UMAD1: variants seen among roughly 807,000 people sequenced by gnomAD.
The protein encoded by UMAD1 is UBAP1-MVB12-associated (UMA)-domain containing protein 1.
In UMAD1, 8 loss-of-function variants were observed where a neutral mutation model predicts 6.1. The ratio of observed to expected loss-of-function variants is 1.30; its 90% CI spans 0.76 to 2.35. The LOEUF is 2.35. Among genes scored for constraint, UMAD1 ranks in the 30% most tolerant of loss-of-function variants. UMAD1 has a pLI of 0.00. For missense variants in UMAD1, 130 were observed against 78.4 expected, an observed-to-expected ratio of 1.66 and a Z score of -2.49; for synonymous variants, 56 against 31.4, an observed-to-expected ratio of 1.78 and a Z score of -2.61.
rs183039116 is a variant in UMAD1, at chr7:7,845,368, C to T, written c.157-31913C>T. Among the ~76,000 whole-genome samples the T allele has an allele frequency of 1.4e-4, 22 of 152,110 alleles. No individual in the cohort carries two copies. The East Asian group carries it at 3.8e-3, about 27-fold the overall frequency. On this transcript the variant is annotated intron_variant, in intron 3 of 3. Transcript: ENST00000682710. ...GCTGCTCTATAGGGATCAAGATCTTCTCTTCTAACCCTGTCATTTTAGACT... is the reference window on the plus strand; with the variant it reads ...GCTGCTCTATAGGGATCAAGATCTTTTCTTCTAACCCTGTCATTTTAGACT...
chr7:7,824,726 A>G (rs1480992785), intron 3 of UMAD1, among the ~76,000 whole-genome samples: 4 of 152,144 alleles, frequency 2.6e-5, no homozygotes, highest in Non-Finnish European at 5.9e-5. Flanking sequence ...CTAACCCACA[A>G]ATAACAAGCA....
At chr7:7,851,528 G>A (rs145155414) in intron 3 of UMAD1, among the ~76,000 whole-genome samples, 10 of 152,158 alleles carry the variant, frequency 6.6e-5, no homozygotes, top group African/African-American at 1.9e-4. Context: ...CAGAAGTGTG[G>A]GAGTGTTCCA....
chr7:7,727,150 T>C (rs1781154509), intron 2 of UMAD1, among the ~76,000 whole-genome samples: 1 of 152,240 alleles, frequency 6.6e-6, no homozygotes, highest in Non-Finnish European at 1.5e-5. Context: ...CAATACCAGC[T>C]ACAACCACAT....
chr7:7,686,372 A>G (rs1780041715), intron 2 of UMAD1, among the ~76,000 whole-genome samples: 1 of 152,238 alleles, frequency 6.6e-6, no homozygotes, highest in South Asian at 2.1e-4. Flanking sequence ...GCAGTAAGGA[A>G]CTATCAGACC....
At chr7:7,703,739 A>T (rs1563138178) in intron 2 of UMAD1, among the ~76,000 whole-genome samples, 1 of 152,192 alleles carries the variant, frequency 6.6e-6, no homozygotes, top group Non-Finnish European at 1.5e-5. Flanking sequence ...CAGGAGTTTG[A>T]GATCAGCCTG....
At chr7:7,859,907 T>A (rs1020986666) in intron 3 of UMAD1, among the ~76,000 whole-genome samples, 2 of 152,226 alleles carry the variant, frequency 1.3e-5, no homozygotes, top group African/African-American at 4.8e-5. Flanking sequence ...TTATGTAAAG[T>A]TTGTTACTTT....
intron 3 of UMAD1, among the ~76,000 whole-genome samples, chr7:7,825,156 G>C (rs930991474): frequency 2.6e-5 from 4 of 152,042 alleles, no homozygotes; most frequent in Non-Finnish European, 4.4e-5. Flanking sequence ...GGGCGCAGGG[G>C]GGAGTGTAAT....
chr7:7,709,407 C>T (rs28912688), intron 2 of UMAD1, among the ~76,000 whole-genome samples: 43 of 152,314 alleles, frequency 2.8e-4, no homozygotes, highest in Non-Finnish European at 5.7e-4. Flanking sequence ...TGTGGATAAG[C>T]TGGAGAGGTC....
intron 2 of UMAD1, among the ~76,000 whole-genome samples, chr7:7,764,148 T>G (rs1781943836): frequency 6.6e-6 from 1 of 151,984 alleles, no homozygotes; most frequent in South Asian, 2.1e-4. Context: ...AGATATGAGG[T>G]TGCGGTGTGA....
At chr7:7,772,755 AT>A (rs1166061782) in intron 2 of UMAD1, among the ~76,000 whole-genome samples, 3 of 152,212 alleles carry the variant, frequency 2.0e-5, no homozygotes. Flanking sequence ...TCACAAAAAC[AT>A]TTGCTTTTTA....
At chr7:7,863,951 G>A (rs1218189996) in intron 3 of UMAD1, among the ~76,000 whole-genome samples, 3 of 152,196 alleles carry the variant, frequency 2.0e-5, no homozygotes, top group Non-Finnish European at 2.9e-5. Flanking sequence ...ACAGGCTTAC[G>A]CCTGTCATCC....
chr7:7,828,313 TATATC>T (rs1449055710), intron 3 of UMAD1, among the ~76,000 whole-genome samples: 1 of 152,176 alleles, frequency 6.6e-6, no homozygotes, highest in Non-Finnish European at 1.5e-5. Context: ...TGCATGCACA[TATATC>T]ATATAGCTCT....
intron 2 of UMAD1, among the ~76,000 whole-genome samples, chr7:7,693,865 G>T (rs1780240191): frequency 6.6e-6 from 1 of 151,986 alleles, no homozygotes; most frequent in Non-Finnish European, 1.5e-5. Flanking sequence ...CCTCTGTGGT[G>T]GGTTTTTATA....
intron 2 of UMAD1, among the ~76,000 whole-genome samples, chr7:7,782,833 G>T (rs984639790): frequency 2.0e-5 from 3 of 150,588 alleles, no homozygotes; most frequent in Non-Finnish European, 4.4e-5. Context: ...GAGTTCGAGC[G>T]ATTCTCCTGC....
chr7:7,703,384 T>A (rs1414774268), intron 2 of UMAD1, among the ~76,000 whole-genome samples: 2 of 152,226 alleles, frequency 1.3e-5, no homozygotes, highest in African/African-American at 4.8e-5. Context: ...TATTTACCTA[T>A]AGAATTTTTA....
chr7:7,677,298 T>C (rs1189127715), intron 2 of UMAD1, among the ~76,000 whole-genome samples: 1 of 152,184 alleles, frequency 6.6e-6, no homozygotes, highest in Admixed American at 6.5e-5. Context: ...AATAAATTAT[T>C]GTTAACTATA....
At chr7:7,661,211 C>T (rs1051843286) in intron 1 of UMAD1, among the ~76,000 whole-genome samples, 1 of 152,146 alleles carries the variant, frequency 6.6e-6, no homozygotes, top group Non-Finnish European at 1.5e-5. Context: ...GTTAGCAATT[C>T]ATCTAACCTT....
intron 2 of UMAD1, among the ~76,000 whole-genome samples, chr7:7,794,077 A>C (rs993140567): frequency 2.0e-5 from 3 of 152,168 alleles, no homozygotes; most frequent in Non-Finnish European, 4.4e-5. Flanking sequence ...ATTTTTTTCC[A>C]TGTGAACCCC....
chr7:7,645,386 A>G (rs1004432750), intron 1 of UMAD1, among the ~76,000 whole-genome samples: 1 of 152,244 alleles, frequency 6.6e-6, no homozygotes, highest in African/African-American at 2.4e-5. Context: ...GTGGTAGTGC[A>G]CTAAGACTCA....
Sources: allele counts gnomAD v4.1 joint callset (sites outside exome capture counted in the v4.1 genomes callset), GRCh38; gene constraint gnomAD v4.1.1; transcripts MANE v1.5; gene names NCBI Gene and HGNC (gene_info 2026-07-23, HGNC 2026-07-21).